EDA: variants seen among roughly 807,000 people sequenced by gnomAD.
The protein encoded by EDA is ectodysplasin-A.
EDA carries 2 observed loss-of-function variants against 23.6 expected under a neutral mutation model. That is an observed-to-expected ratio of 0.08 (90% CI 0.03 to 0.27). The LOEUF is 0.27. EDA is among the 10% of genes least tolerant of loss of function. EDA has a pLI of 1.00. For synonymous variants in EDA, 131 were observed against 132.0 expected (o/e 0.99, Z 0.05); for missense variants, 229 against 324.2 (o/e 0.71, Z 2.26).
chrX:69,817,853 T>G (rs1292772693), intron 1 of EDA, among the ~76,000 whole-genome samples: 1 of 111,576 alleles, frequency 9.0e-6, no homozygotes, highest in African/African-American at 3.3e-5. Flanking sequence ...GACCTGAAAG[T>G]CAGCTCTAGA....
intron 1 of EDA, among the ~76,000 whole-genome samples, chrX:69,626,431 A>G (rs910744616): frequency 8.9e-6 from 1 of 112,152 alleles, no homozygotes; most frequent in Non-Finnish European, 1.9e-5. Flanking sequence ...ATAATGTGAT[A>G]TAATATTCTA....
chrX:69,747,317 T>C (rs1412211247), intron 1 of EDA, among the ~76,000 whole-genome samples: 1 of 111,832 alleles, frequency 8.9e-6, no homozygotes, highest in Non-Finnish European at 1.9e-5. Context: ...AGTATTCAGA[T>C]AGAGAAAAAA....
intron 2 of EDA, among the ~76,000 whole-genome samples, chrX:69,990,966 A>G (rs1054999455): frequency 1.8e-5 from 2 of 110,555 alleles, no homozygotes; most frequent in African/African-American, 6.6e-5. Context: ...TCTCCACTCT[A>G]TATTTTAGCC....
chrX:69,899,316 C>T (rs2018064800), intron 1 of EDA, among the ~76,000 whole-genome samples: 1 of 111,748 alleles, frequency 8.9e-6, no homozygotes, highest in South Asian at 3.7e-4. Context: ...ATTGCTTTAC[C>T]ATTGTTCAGG....
At chrX:69,685,822 G>A (rs1934522174) in intron 1 of EDA, among the ~76,000 whole-genome samples, 1 of 112,092 alleles carries the variant, frequency 8.9e-6, no homozygotes, top group African/African-American at 3.2e-5. Flanking sequence ...TTATATAAAT[G>A]TAGTATGTTA....
intron 1 of EDA, among the ~76,000 whole-genome samples, chrX:69,644,855 G>A (rs1383510048): frequency 1.8e-5 from 2 of 111,601 alleles, no homozygotes; most frequent in Non-Finnish European, 3.8e-5. Context: ...GGCCTTTTCT[G>A]CATCTATTGA....
At chrX:69,734,118 T>C (rs1246234624) in intron 1 of EDA, among the ~76,000 whole-genome samples, 1 of 111,784 alleles carries the variant, frequency 8.9e-6, no homozygotes, top group African/African-American at 3.2e-5. Context: ...TATTTTAAAA[T>C]AGATATGAGA....
intron 2 of EDA, among the ~76,000 whole-genome samples, chrX:70,016,099 G>A (rs1016242278): frequency 1.5e-4 from 16 of 109,385 alleles, no homozygotes; most frequent in Non-Finnish European, 2.9e-4. Context: ...AGACAAAACA[G>A]CCTTTAAACC....
At chrX:69,937,172 G>C (rs971682342) in intron 1 of EDA, 1 of 1,105,349 alleles carries the variant, frequency 9.0e-7, no homozygotes, top group African/African-American at 1.8e-5. Flanking sequence ...ATGACTGCTT[G>C]TTGGCTTCTT....
At chrX:69,902,751 A>T (rs1251263302) in intron 1 of EDA, among the ~76,000 whole-genome samples, 1 of 111,712 alleles carries the variant, frequency 9.0e-6, no homozygotes, top group East Asian at 2.8e-4. Context: ...CATTTTGCCC[A>T]GTAAGTTCCC....
At chrX:69,697,804 G>GCTA (rs2011402398) in intron 1 of EDA, among the ~76,000 whole-genome samples, 1 of 111,971 alleles carries the variant, frequency 8.9e-6, no homozygotes, top group Non-Finnish European at 1.9e-5. Flanking sequence ...TGGTACATGG[G>GCTA]CTACTTTTCT....
chrX:69,685,045 G>T (rs778635028), intron 1 of EDA, among the ~76,000 whole-genome samples: 1 of 111,858 alleles, frequency 8.9e-6, no homozygotes, highest in Non-Finnish European at 1.9e-5. Flanking sequence ...ATATATGGGT[G>T]CCAGAACATA....
At chrX:69,746,442 A>G (rs2013623001) in intron 1 of EDA, among the ~76,000 whole-genome samples, 1 of 111,671 alleles carries the variant, frequency 9.0e-6, no homozygotes, top group African/African-American at 3.3e-5. Context: ...GTTTTCTTCC[A>G]TTGTGTCTTC....
At chrX:69,684,368 A>G (rs1426775456) in intron 1 of EDA, among the ~76,000 whole-genome samples, 2 of 111,552 alleles carry the variant, frequency 1.8e-5, no homozygotes, top group Non-Finnish European at 3.8e-5. Flanking sequence ...TCTTGAGGGC[A>G]TCAACATGTT....
At chrX:69,617,517 T>C (rs1932021340) in intron 1 of EDA, among the ~76,000 whole-genome samples, 1 of 111,090 alleles carries the variant, frequency 9.0e-6, no homozygotes, top group African/African-American at 3.3e-5. Flanking sequence ...AGCAGTTTTG[T>C]TTGTTTTTGC....
chrX:69,630,095 C>T (rs771672176), intron 1 of EDA, among the ~76,000 whole-genome samples: 3 of 111,213 alleles, frequency 2.7e-5, no homozygotes, highest in East Asian at 2.8e-4. Flanking sequence ...CAAAATATGC[C>T]GGTGTTCCAA....
At chrX:69,997,736 C>G (rs1199913427) in intron 2 of EDA, among the ~76,000 whole-genome samples, 2 of 112,206 alleles carry the variant, frequency 1.8e-5, no homozygotes, top group Non-Finnish European at 3.8e-5. Flanking sequence ...TGTGTGCAGC[C>G]TAGGGACTTG....
intron 1 of EDA, among the ~76,000 whole-genome samples, chrX:69,731,450 T>C (rs2013021802): frequency 9.1e-6 from 1 of 110,357 alleles, no homozygotes; most frequent in Non-Finnish European, 1.9e-5. Flanking sequence ...CTTTTTTTTT[T>C]CTTTTTTTTG....
chrX:69,782,829 A>G (rs1209470289), intron 1 of EDA, among the ~76,000 whole-genome samples: 1 of 111,937 alleles, frequency 8.9e-6, no homozygotes, highest in African/African-American at 3.2e-5. Context: ...CTATTACTAG[A>G]GAAAAATAAC....
Sources: gnomAD v4.1 joint callset for allele counts (sites outside exome capture counted in the v4.1 genomes callset) on GRCh38, gnomAD v4.1.1 for gene constraint, MANE v1.5 for transcripts, NCBI Gene and HGNC (gene_info 2026-07-23, HGNC 2026-07-21) for gene names.